The following TENM2 variants were observed in gnomAD, a reference collection of about 807,000 sequenced individuals.
TENM2 encodes the protein teneurin transmembrane protein 2.
TENM2 carries 52 observed loss-of-function variants against 245.2 expected under a neutral mutation model. The ratio of observed to expected loss-of-function variants is 0.21; its 90% CI spans 0.17 to 0.27. TENM2 has a LOEUF of 0.27. Among genes scored for constraint, TENM2 ranks in the 10% least tolerant of loss-of-function variants. The probability of loss-of-function intolerance (pLI) is 1.00; values close to 1 mark genes in which losing one functional copy is unlikely to be tolerated. For synonymous variants in TENM2, 1,363 were observed against 1,438.9 expected (o/e 0.95, Z 1.19); for missense variants, 3,046 against 3,666.8 (o/e 0.83, Z 4.37).
chr5:167,455,437 G>T (rs182200656), intron 2 of TENM2, among the ~76,000 whole-genome samples: 401 of 129,814 alleles, frequency 3.1e-3, no homozygotes, highest in Non-Finnish European at 5.0e-3. Flanking sequence ...TTATCCCCTT[G>T]TTGTTGATGT....
chr5:167,461,507 A>G (rs1766288374), intron 2 of TENM2, among the ~76,000 whole-genome samples: 1 of 152,172 alleles, frequency 6.6e-6, no homozygotes, highest in Admixed American at 6.5e-5. Context: ...TGACACTGTG[A>G]TGCCAACGTG....
In TENM2 at chr5:167,320,931, G is replaced by C. The variant is rs959966653; in HGVS notation, c.226+35868G>C. 2.3e-5 allele frequency among the ~76,000 whole-genome samples: 3 copies of C among 128,842 alleles called. No individual in the cohort carries two copies. The East Asian group carries it at 6.4e-4, about 28-fold the overall frequency. 84.5% of individuals were successfully genotyped at this position (128,842 alleles called of 152,430 possible). The stretch of plus-strand genomic sequence containing the variant: ...TTTACTTTTAGAGGAATTTCTTCCT[G>C]TAAAGACAAACAAACAAAAAAAAAC... On this transcript the variant is annotated intron_variant, in intron 1 of 28. Transcript: ENST00000518659.
intron 13 of TENM2, among the ~76,000 whole-genome samples, chr5:168,170,973 C>T (rs912163956): frequency 2.0e-5 from 3 of 152,212 alleles, no homozygotes; most frequent in African/African-American, 4.8e-5. Flanking sequence ...CCATCCTCTC[C>T]GGAAGCTCTG....
intron 4 of TENM2, among the ~76,000 whole-genome samples, chr5:167,991,450 A>T (rs2152004825): frequency 6.6e-6 from 1 of 152,314 alleles, no homozygotes; most frequent in South Asian, 2.1e-4. Context: ...AAATCCCACT[A>T]CACATTTCCT....
intron 2 of TENM2, among the ~76,000 whole-genome samples, chr5:167,669,957 G>C (rs1755827094): frequency 6.6e-6 from 1 of 152,014 alleles, no homozygotes; most frequent in Non-Finnish European, 1.5e-5. Context: ...TTTTGATTCT[G>C]AGTATAGCTG....
intron 2 of TENM2, among the ~76,000 whole-genome samples, chr5:167,646,918 G>T (rs1209019226): frequency 6.6e-6 from 1 of 152,164 alleles, no homozygotes; most frequent in Non-Finnish European, 1.5e-5. Context: ...GATAACAGTT[G>T]TTCGCAGTTG....
At chr5:168,063,872 G>A (rs1406485775) in intron 7 of TENM2, among the ~76,000 whole-genome samples, 1 of 152,042 alleles carries the variant, frequency 6.6e-6, no homozygotes, top group African/African-American at 2.4e-5. Flanking sequence ...TTTTGAGCAG[G>A]GAGAGCTGAG....
intron 2 of TENM2, chr5:167,660,283 A>G (rs2150318963): frequency 6.6e-6 from 1 of 152,014 alleles, no homozygotes; most frequent in East Asian, 1.9e-4. Context: ...TAACACGGTG[A>G]AACCCCGTCT....
At chr5:168,154,164 A>AAAAAAAC (rs1171979738) in intron 12 of TENM2, among the ~76,000 whole-genome samples, 1 of 150,652 alleles carries the variant, frequency 6.6e-6, no homozygotes, top group African/African-American at 2.5e-5. Flanking sequence ...AAAAAAAAAA[A>AAAAAAAC]AACAGTAAGA....
At chr5:167,453,286 T>A (rs548433925) in intron 2 of TENM2, among the ~76,000 whole-genome samples, 10 of 152,260 alleles carry the variant, frequency 6.6e-5, no homozygotes, top group Admixed American at 4.6e-4. Context: ...CTCTTTCTAA[T>A]GCATTTGTTT....
At chr5:167,424,641 C>G (rs1292358168) in intron 2 of TENM2, among the ~76,000 whole-genome samples, 4 of 151,984 alleles carry the variant, frequency 2.6e-5, no homozygotes, top group African/African-American at 9.7e-5. Flanking sequence ...AAGTAGACAT[C>G]TTTTAAAGGC....
At chr5:167,618,185 G>T (rs914142590) in intron 2 of TENM2, among the ~76,000 whole-genome samples, 20 of 152,222 alleles carry the variant, frequency 1.3e-4, no homozygotes, top group African/African-American at 3.9e-4. Flanking sequence ...GCACTTTGCA[G>T]GTATTCCCTC....
intron 2 of TENM2, among the ~76,000 whole-genome samples, chr5:167,416,529 G>A (rs1763175978): frequency 2.0e-5 from 3 of 152,070 alleles, no homozygotes; most frequent in Non-Finnish European, 4.4e-5. Flanking sequence ...GGACTGTCAG[G>A]TGCCTCTAAA....
At chr5:167,218,193 T>C in the TENM2 span, among the ~76,000 whole-genome samples, 1 of 152,126 alleles carries the variant, frequency 6.6e-6, no homozygotes, top group Non-Finnish European at 1.5e-5. Context: ...CTCTGTTTTT[T>C]ATCCTAATTA....
At position 167,353,784 on chromosome 5, in the gene TENM2, G is replaced by A. The variant is rs374790104; in HGVS notation, c.227-21414G>A. Among the ~76,000 whole-genome samples, 295 of 152,114 alleles carry A rather than the reference G, an allele frequency of 1.9e-3. 3 individuals are homozygous for A. The highest frequency in any genetic ancestry group is 0.012 in the South Asian group (58 of 4,802). On this transcript the variant is annotated intron_variant, in intron 1 of 28. Coordinates refer to ENST00000518659, the Ensembl canonical transcript of TENM2. ...GGCCTCCCAAAGTGCTGGGATTACA[G>A]GCGTGAGCCACCGCGCCCGGCCGTA... is the stretch of plus-strand genomic sequence containing the variant.
the TENM2 span, among the ~76,000 whole-genome samples, chr5:167,066,130 T>A: frequency 6.6e-6 from 1 of 152,114 alleles, no homozygotes; most frequent in Non-Finnish European, 1.5e-5. Context: ...GTGAATATGA[T>A]GAACAACTGG....
chr5:167,563,523 T>C (rs990477097), intron 2 of TENM2, among the ~76,000 whole-genome samples: 2 of 152,200 alleles, frequency 1.3e-5, no homozygotes, highest in Non-Finnish European at 2.9e-5. Context: ...TTACAGAGTC[T>C]ATCCAATCTC....
the TENM2 span, among the ~76,000 whole-genome samples, chr5:167,024,314 A>G: frequency 6.6e-6 from 1 of 152,208 alleles, no homozygotes; most frequent in Non-Finnish European, 1.5e-5. Flanking sequence ...GCATTCTTTT[A>G]TTCATTAAAT....
intron 2 of TENM2, among the ~76,000 whole-genome samples, chr5:167,724,813 G>A (rs1759876728): frequency 6.6e-6 from 1 of 152,116 alleles, no homozygotes; most frequent in African/African-American, 2.4e-5. Flanking sequence ...TGATGGTTTG[G>A]GGAACAGAAG....
Sources: allele counts gnomAD v4.1 joint callset (sites outside exome capture counted in the v4.1 genomes callset), GRCh38; gene constraint gnomAD v4.1.1; transcripts MANE v1.5; gene names NCBI Gene and HGNC (gene_info 2026-07-23, HGNC 2026-07-21).